SLC24A2: variants seen among roughly 807,000 people sequenced by gnomAD.
SLC24A2 encodes solute carrier family 24 member 2, also known as sodium/potassium/calcium exchanger 2.
SLC24A2 carries 36 observed loss-of-function variants against 62.0 expected under a neutral mutation model. The observed-to-expected ratio is 0.58, with a 90% CI of 0.44 to 0.77. The LOEUF (loss-of-function observed/expected upper bound fraction) is 0.77. Among genes scored for constraint, SLC24A2 ranks in the 30% least tolerant of loss-of-function variants. The pLI, the probability that SLC24A2 is intolerant of heterozygous loss-of-function variation, is 0.00. For missense variants in SLC24A2, 846 were observed against 817.9 expected (o/e 1.03, Z -0.42); for synonymous variants, 358 against 294.0 (o/e 1.22, Z -2.23).
the SLC24A2 span, among the ~76,000 whole-genome samples, chr9:20,032,617 T>C: frequency 1.6e-4 from 25 of 152,360 alleles, no homozygotes; most frequent in African/African-American, 5.8e-4. Context: ...AATTGTATCC[T>C]GTTTACAGTA....
At chr9:20,158,967 C>G in the SLC24A2 span, among the ~76,000 whole-genome samples, 1 of 151,588 alleles carries the variant, frequency 6.6e-6, no homozygotes, top group Non-Finnish European at 1.5e-5. Flanking sequence ...GAAAAAATAT[C>G]CTCAGAGATC....
chr9:20,182,317 T>G, the SLC24A2 span, among the ~76,000 whole-genome samples: 1 of 152,230 alleles, frequency 6.6e-6, no homozygotes, highest in East Asian at 1.9e-4. Flanking sequence ...ATCATGCTAC[T>G]ATAAAGACAC....
the SLC24A2 span, among the ~76,000 whole-genome samples, chr9:19,940,810 C>G: frequency 6.6e-6 from 1 of 152,234 alleles, no homozygotes; most frequent in Non-Finnish European, 1.5e-5. Context: ...CAAAGCACTG[C>G]TGAATGCACA....
the SLC24A2 span, among the ~76,000 whole-genome samples, chr9:20,095,007 A>G: frequency 9.2e-5 from 14 of 152,192 alleles, no homozygotes; most frequent in Non-Finnish European, 1.9e-4. Context: ...TTCCAACTAC[A>G]TATTTGTGTG....
chr9:19,951,880 G>A, the SLC24A2 span, among the ~76,000 whole-genome samples: 2 of 151,968 alleles, frequency 1.3e-5, no homozygotes, highest in Non-Finnish European at 2.9e-5. Flanking sequence ...AACCTCACAA[G>A]GATTTTAATT....
At chr9:20,189,901 G>C in the SLC24A2 span, among the ~76,000 whole-genome samples, 2 of 152,144 alleles carry the variant, frequency 1.3e-5, no homozygotes, top group East Asian at 3.8e-4. Flanking sequence ...TACCTGCCTG[G>C]AGCAGCATTC....
At chr9:20,170,932 T>C in the SLC24A2 span, among the ~76,000 whole-genome samples, 4 of 151,862 alleles carry the variant, frequency 2.6e-5, no homozygotes, top group African/African-American at 9.7e-5. Flanking sequence ...TATCTAAAAT[T>C]AAGAAGAGGA....
chr9:19,962,665 G>A, the SLC24A2 span, among the ~76,000 whole-genome samples: 2,146 of 152,266 alleles, frequency 0.014, 48 homozygotes, highest in African/African-American at 0.048. Flanking sequence ...CTCTCTGTCT[G>A]TTATTGGTGT....
At chr9:19,748,524 T>C (rs1006199685) in intron 2 of SLC24A2, among the ~76,000 whole-genome samples, 18 of 152,172 alleles carry the variant, frequency 1.2e-4, no homozygotes, top group African/African-American at 4.3e-4. Context: ...GCAGTAAGAT[T>C]GTGCAGAATG....
chr9:19,860,551 G>C, the SLC24A2 span, among the ~76,000 whole-genome samples: 2 of 152,104 alleles, frequency 1.3e-5, no homozygotes, highest in Non-Finnish European at 2.9e-5. Context: ...CTTTCTGCTT[G>C]AGAAAAGTGG....
At chr9:19,738,764 T>C (rs1037304224) in intron 2 of SLC24A2, among the ~76,000 whole-genome samples, 18 of 152,206 alleles carry the variant, frequency 1.2e-4, no homozygotes, top group African/African-American at 4.1e-4. Context: ...TATATTTCCA[T>C]ATACAAGCCA....
the SLC24A2 span, among the ~76,000 whole-genome samples, chr9:20,059,010 A>T: frequency 6.6e-6 from 1 of 152,182 alleles, no homozygotes; most frequent in Non-Finnish European, 1.5e-5. Flanking sequence ...GAGTGCATTG[A>T]CTGTAGATAA....
the SLC24A2 span, among the ~76,000 whole-genome samples, chr9:20,002,476 A>C: frequency 3.3e-5 from 5 of 152,038 alleles, no homozygotes; most frequent in African/African-American, 1.2e-4. Context: ...TAAGCACAAA[A>C]GGAGTGTCAC....
chr9:20,264,389 G>A, the SLC24A2 span, among the ~76,000 whole-genome samples: 5 of 152,322 alleles, frequency 3.3e-5, no homozygotes, highest in African/African-American at 9.6e-5. Flanking sequence ...AAAAGCCAAA[G>A]GTCAGGACAG....
chr9:19,750,506 A>G (rs1426518114), intron 2 of SLC24A2, among the ~76,000 whole-genome samples: 2 of 152,104 alleles, frequency 1.3e-5, no homozygotes. Context: ...TCCTTTTGAT[A>G]CTATGTCTCC....
the SLC24A2 span, among the ~76,000 whole-genome samples, chr9:19,906,651 C>T: frequency 3.9e-5 from 6 of 152,028 alleles, no homozygotes; most frequent in South Asian, 1.0e-3. Context: ...GGGATATCAC[C>T]ACCGATCCCA....
the SLC24A2 span, among the ~76,000 whole-genome samples, chr9:19,866,657 G>C: frequency 2.8e-5 from 3 of 106,146 alleles, no homozygotes; most frequent in Non-Finnish European, 5.3e-5. Context: ...TTTTTTTTGA[G>C]ACGGAGTCTC....
At chr9:19,534,849 T>C (rs1425402576) in intron 8 of SLC24A2, among the ~76,000 whole-genome samples, 1 of 152,206 alleles carries the variant, frequency 6.6e-6, no homozygotes, top group East Asian at 1.9e-4. Context: ...AGTAGAATGA[T>C]TTATAATCCT....
chr9:19,624,638 C>T (rs905609684), intron 2 of SLC24A2, among the ~76,000 whole-genome samples: 1 of 152,178 alleles, frequency 6.6e-6, no homozygotes, highest in South Asian at 2.1e-4. Flanking sequence ...TTAATGTCTG[C>T]AGTTGACATC....
Sources: allele counts gnomAD v4.1 joint callset (sites outside exome capture counted in the v4.1 genomes callset), GRCh38; gene constraint gnomAD v4.1.1; transcripts MANE v1.5; gene names NCBI Gene and HGNC (gene_info 2026-07-23, HGNC 2026-07-21).